The following ZNF385D variants were observed in gnomAD, a reference collection of about 807,000 sequenced individuals.
The protein encoded by ZNF385D is zinc finger protein 385D.
In ZNF385D, 15 loss-of-function variants were observed where a neutral mutation model predicts 35.8. That is an observed-to-expected ratio of 0.42 (90% CI 0.28 to 0.64). The LOEUF is 0.64. ZNF385D is among the 30% of genes least tolerant of loss of function. The pLI, the probability that ZNF385D is intolerant of heterozygous loss-of-function variation, is 0.23. For synonymous variants in ZNF385D, 212 were observed against 186.8 expected (o/e 1.13, Z -1.10); for missense variants, 474 against 494.6 (o/e 0.96, Z 0.39).
chr3:22,152,007 C>T (rs1435148545), intron 3 of ZNF385D, among the ~76,000 whole-genome samples: 1 of 152,100 alleles, frequency 6.6e-6, no homozygotes, highest in African/African-American at 2.4e-5. Context: ...TCTCCTTCCA[C>T]CCTCCACCTT....
Position 21,751,176 on chromosome 3 carries a change from T to C in ZNF385D, c.-260A>G. Reference sequence around the variant, plus strand: ...TCCTTACTGTAATCCGACTCCTCCTTGCGATGTCCTTGCCGCGCCTGTGAC... The same window carrying C: ...TCCTTACTGTAATCCGACTCCTCCTCGCGATGTCCTTGCCGCGCCTGTGAC... On this transcript the variant is annotated 5_prime_UTR_variant, in exon 1 of 8. Transcript: ENST00000281523. 1.4e-6 allele frequency: 2 copies of C among 1,392,518 alleles called. No homozygotes were observed. Among genetic ancestry groups the C allele is most frequent in the Non-Finnish European group, 1.9e-6 (2 of 1,072,850 alleles). The allele number at this position is 1,392,518 out of a possible 1,614,324, so 86.3% of individuals were successfully genotyped here.
At chr3:21,790,417 G>A (rs1362223823) in intron 3 of ZNF385D, among the ~76,000 whole-genome samples, 6 of 152,088 alleles carry the variant, frequency 3.9e-5, no homozygotes, top group Non-Finnish European at 1.5e-5. Context: ...AGAGTTATCT[G>A]TTGGTGATAA....
intron 3 of ZNF385D, among the ~76,000 whole-genome samples, chr3:21,973,489 T>C (rs1350002840): frequency 6.6e-6 from 1 of 151,990 alleles, no homozygotes; most frequent in Non-Finnish European, 1.5e-5. Context: ...ACTGACAGCT[T>C]TTCCTCTAAG....
At chr3:22,216,679 G>A (rs1288586276) in intron 2 of ZNF385D, among the ~76,000 whole-genome samples, 7 of 152,136 alleles carry the variant, frequency 4.6e-5, no homozygotes, top group Admixed American at 3.9e-4. Flanking sequence ...GGAATGTCAT[G>A]TAGTAAAGTC....
chr3:22,110,393 G>C (rs1702452348), intron 3 of ZNF385D, among the ~76,000 whole-genome samples: 1 of 151,966 alleles, frequency 6.6e-6, no homozygotes. Context: ...CAACCCAAAT[G>C]TCCAACAATG....
At chr3:21,514,081 G>A (rs1456347825) in intron 3 of ZNF385D, among the ~76,000 whole-genome samples, 1 of 152,066 alleles carries the variant, frequency 6.6e-6, no homozygotes, top group African/African-American at 2.4e-5. Context: ...AGTTGGCCTG[G>A]GATGTCTCTT....
chr3:21,513,870 G>T (rs1363312892), intron 3 of ZNF385D, among the ~76,000 whole-genome samples: 1 of 151,980 alleles, frequency 6.6e-6, no homozygotes. Flanking sequence ...CTTGATTCAG[G>T]TATGCTGTAT....
At position 22,058,443 on chromosome 3, in the gene ZNF385D, A is replaced by G. The variant is rs551748681; in HGVS notation, c.325+110374T>C. 2.6e-4 allele frequency among the ~76,000 whole-genome samples: 39 copies of G among 152,250 alleles called. 1 individual carries two copies. In the South Asian group the frequency reaches 7.7e-3, roughly 30 times the overall value. On this transcript the variant is annotated intron_variant, in intron 3 of 5. Coordinates refer to the ZNF385D transcript ENST00000494108. ...GGGTTTGCTCATTCCAGCTCTCCCC[A>G]TTTTATACTTACTCATAGCCTCTTT...
chr3:21,595,068 A>C (rs959141984), intron 2 of ZNF385D, among the ~76,000 whole-genome samples: 7 of 152,330 alleles, frequency 4.6e-5, no homozygotes, highest in African/African-American at 1.7e-4. Context: ...ATTGGTCTTA[A>C]TAGAACTTAA....
chr3:21,554,888 TCCTC>T (rs2062680545), intron 3 of ZNF385D, among the ~76,000 whole-genome samples: 1 of 152,330 alleles, frequency 6.6e-6, no homozygotes, highest in Admixed American at 6.5e-5. Context: ...GTTAGGGCCT[TCCTC>T]TGGATTAGGC....
At chr3:21,600,661 A>C (rs2064258113) in intron 2 of ZNF385D, among the ~76,000 whole-genome samples, 2 of 152,168 alleles carry the variant, frequency 1.3e-5, no homozygotes, top group Non-Finnish European at 2.9e-5. Flanking sequence ...AAAATACAAG[A>C]CAGACCTAAC....
At chr3:22,104,527 T>C (rs186790778) in intron 3 of ZNF385D, among the ~76,000 whole-genome samples, 5 of 151,964 alleles carry the variant, frequency 3.3e-5, no homozygotes, top group African/African-American at 1.2e-4. Flanking sequence ...AACCACATGA[T>C]TTTGGCAGAC....
intron 3 of ZNF385D, among the ~76,000 whole-genome samples, chr3:21,820,977 G>A (rs1007256520): frequency 2.0e-5 from 3 of 151,724 alleles, no homozygotes; most frequent in South Asian, 2.1e-4. Context: ...TTACAAAACC[G>A]ATTAAAAAAA....
At chr3:21,894,487 T>C (rs1699033409) in intron 3 of ZNF385D, among the ~76,000 whole-genome samples, 1 of 152,090 alleles carries the variant, frequency 6.6e-6, no homozygotes, top group Non-Finnish European at 1.5e-5. Context: ...CAATATGATT[T>C]ATCTTTGTGA....
chr3:21,623,672 C>CA lies in ZNF385D; in HGVS notation c.165+41213dup, dbSNP rs57068995. On this transcript the variant is annotated intron_variant, in intron 2 of 7. Coordinates refer to ENST00000281523, the MANE Select transcript of ZNF385D (RefSeq NM_024697.3). ...AAGACCCTGTGTCTTAAAACAAAAA[C>CA]AAAAAAACAAAAAACCACAATGTCT... Among the ~76,000 whole-genome samples the CA allele has an allele frequency of 8.8e-3, 1,337 of 151,618 alleles. 19 individuals carry two copies. Among genetic ancestry groups the CA allele is most frequent in the African/African-American group, 0.029 (1,220 of 41,406 alleles).
At chr3:21,744,195 T>C (rs888599734) in intron 1 of ZNF385D, among the ~76,000 whole-genome samples, 7 of 152,348 alleles carry the variant, frequency 4.6e-5, no homozygotes, top group African/African-American at 1.7e-4. Flanking sequence ...AATTATATTT[T>C]GTCTACTTCC....
At chr3:21,910,192 T>G (rs1699895328) in intron 3 of ZNF385D, among the ~76,000 whole-genome samples, 1 of 152,084 alleles carries the variant, frequency 6.6e-6, no homozygotes, top group Admixed American at 6.6e-5. Context: ...AATAGCTATG[T>G]GACTCTTGGG....
intron 3 of ZNF385D, among the ~76,000 whole-genome samples, chr3:22,020,293 AATGCTGC>A (rs1407509866): frequency 6.6e-6 from 1 of 151,938 alleles, no homozygotes; most frequent in African/African-American, 2.4e-5. Context: ...CAGGAGTGGA[AATGCTGC>A]ATGTATAGAT....
At chr3:22,094,395 T>TCTATATCAACAATATATATTGTTG (rs1553606514) in intron 3 of ZNF385D, among the ~76,000 whole-genome samples, 9 of 136,312 alleles carry the variant, frequency 6.6e-5, no homozygotes, top group South Asian at 4.8e-4. Context: ...GATATATATA[T>TCTATATCAACAATATATATTGTTG]ATATATATAT....
Sources: gnomAD v4.1 joint callset for allele counts (sites outside exome capture counted in the v4.1 genomes callset) on GRCh38, gnomAD v4.1.1 for gene constraint, MANE v1.5 for transcripts, NCBI Gene and HGNC (gene_info 2026-07-23, HGNC 2026-07-21) for gene names.